The following TXN variants were observed in gnomAD, a reference collection of about 807,000 sequenced individuals.
TXN encodes thioredoxin, also known as ADF.
Under a neutral mutation model 16.5 loss-of-function variants are expected in TXN, and 10 were observed. The observed-to-expected ratio is 0.61, with a 90% CI of 0.37 to 1.03. The LOEUF (loss-of-function observed/expected upper bound fraction) is 1.03, where lower values mean the gene tolerates loss of function less well. Among genes scored for constraint, TXN ranks in the 50% least tolerant of loss-of-function variants. The pLI, the probability that TXN is intolerant of heterozygous loss-of-function variation, is 0.01. For synonymous variants in TXN, 35 were observed against 39.4 expected (o/e 0.89, Z 0.42); for missense variants, 71 against 122.5 (o/e 0.58, Z 1.98).
At chr9:110,245,618 C>CTATATATATATATATATATATA (rs1170640168) in intron 3 of TXN, among the ~76,000 whole-genome samples, 1 of 30,890 alleles carries the variant, frequency 3.2e-5, no homozygotes, top group Non-Finnish European at 5.1e-5. Context: ...CACACACACA[C>CTATATATATATATATATATATA]TATATATATA....
At chr9:110,244,299 T>TTATATATATATATATACATATG in intron 4 of TXN, 80 bp from the exon 5 acceptor site, 1 of 367,000 alleles carries the variant, frequency 2.7e-6, no homozygotes, top group East Asian at 6.5e-5. Flanking sequence ...AAATATGTAT[T>TTATATATATATATATACATATG]TATATATATA....
chr9:110,250,230 A>G (rs1359107617), intron 3 of TXN, among the ~76,000 whole-genome samples: 1 of 152,266 alleles, frequency 6.6e-6, no homozygotes, highest in Non-Finnish European at 1.5e-5. Context: ...GGATTAAATG[A>G]ACTGATACTT....
Position 110,253,064 on chromosome 9 carries a change from T to A in TXN, c.25-1602A>T, listed in dbSNP as rs370752236. Among the ~76,000 whole-genome samples the A allele has an allele frequency of 6.6e-5, 10 of 151,020 alleles. No individual in the cohort carries two copies. In the East Asian group the frequency reaches 1.6e-3, roughly 24 times the overall value. On this transcript the variant is annotated intron_variant, in intron 1 of 4. Coordinates refer to ENST00000374517, the MANE Select transcript of TXN (RefSeq NM_003329.4). ...CTGGTCAAATAGGTTTAAAAAAAAA[T>A]GAACATTCCCCGCCCCCCACCGCCA...
chr9:110,252,747 T>G (rs947464534), intron 1 of TXN, among the ~76,000 whole-genome samples: 1 of 152,096 alleles, frequency 6.6e-6, no homozygotes, highest in African/African-American at 2.4e-5. Context: ...GGGGTTCAAG[T>G]GATTCTCTTG....
At chr9:110,252,281 G>A (rs1379647974) in intron 1 of TXN, among the ~76,000 whole-genome samples, 3 of 145,026 alleles carry the variant, frequency 2.1e-5, no homozygotes, top group African/African-American at 7.7e-5. Flanking sequence ...TGTCTATGGT[G>A]GACCATACGA....
intron 1 of TXN, among the ~76,000 whole-genome samples, chr9:110,251,946 C>T (rs1278813260): frequency 2.0e-5 from 3 of 152,058 alleles, no homozygotes; most frequent in African/African-American, 7.2e-5. Flanking sequence ...TAAAAGTTGG[C>T]TGGGCATGGT....
chr9:110,245,649 TATATA>T (rs1273933815), intron 3 of TXN, among the ~76,000 whole-genome samples: 2,651 of 23,830 alleles, frequency 0.11, 108 homozygotes, highest in Non-Finnish European at 0.15. Flanking sequence ...TATATATATA[TATATA>T]TTTTTTTTTT....
rs200327890 is a variant in TXN at position 110,245,602 on chromosome 9, T to TATACACACAC, written c.190-760_190-759insGTGTGTGTAT. Among the ~76,000 whole-genome samples, 796 of 62,080 alleles carry TATACACACAC rather than the reference T, an allele frequency of 0.013. 98 individuals are homozygous for TATACACACAC. The East Asian group carries it at 0.24, about 19-fold the overall frequency. 40.7% of individuals were successfully genotyped at this position (62,080 alleles called of 152,430 possible). A position where few individuals can be genotyped will look rare whatever the true frequency, so the allele number is the denominator to read the frequency against. On this transcript the variant is annotated intron_variant, in intron 3 of 4. Transcript: ENST00000374517. Reference sequence around the variant, plus strand: ...TTTTGTGTGTGTGTGTGTATATATATACACACACACACACACTATATATAT... The same window carrying TATACACACAC: ...TTTTGTGTGTGTGTGTGTATATATATATACACACACACACACACACACACACTATATATAT...
At chr9:110,248,535 T>C (rs950966230) in intron 3 of TXN, among the ~76,000 whole-genome samples, 3 of 152,206 alleles carry the variant, frequency 2.0e-5, no homozygotes, top group Non-Finnish European at 4.4e-5. Context: ...ATCTAGGTTG[T>C]GTAAGTACAC....
chr9:110,244,701 C>T (rs1564366946), intron 4 of TXN, 77 bp downstream of exon 4: 2 of 1,270,666 alleles, frequency 1.6e-6, no homozygotes, highest in South Asian at 1.2e-5. Flanking sequence ...TTAAAGGGAA[C>T]ATCACTCCAG....
chr9:110,256,279 C>G lies in TXN; in HGVS notation c.24+133G>C, dbSNP rs1837808465. On this transcript the variant is annotated intron_variant, in intron 1 of 4. Coordinates refer to ENST00000374517, the MANE Select transcript of TXN (RefSeq NM_003329.4). This position sits in a 1 kb window ranked among gnomAD's most constrained non-coding sequence, Gnocchi z 4.2. Reference sequence around the variant, plus strand: ...AGTCCCAGGCCGAGACGCCGCGTCCCTTTCCCCTGGCGATGCGGAGGGGCG... The same window carrying G: ...AGTCCCAGGCCGAGACGCCGCGTCCGTTTCCCCTGGCGATGCGGAGGGGCG... The G allele has an allele frequency of 3.9e-6, 4 of 1,031,218 alleles. No individual in the cohort carries two copies. The African/African-American group carries it at 4.8e-5, about 12-fold the overall frequency. 63.9% of individuals were successfully genotyped at this position (1,031,218 alleles called of 1,614,324 possible).
chr9:110,252,666 G>A lies in TXN; in HGVS notation c.25-1204C>T, dbSNP rs183077253. On this transcript the variant is annotated intron_variant, in intron 1 of 4. Coordinates refer to ENST00000374517, the MANE Select transcript of TXN (RefSeq NM_003329.4). The stretch of plus-strand genomic sequence containing the variant: ...CATTTTTGTTTTGTTTTGTTTTTGA[G>A]ACGGAGTTTCACTTGTTGCCCAGGC... Among the ~76,000 whole-genome samples, 5 of 152,196 alleles carry A rather than the reference G, an allele frequency of 3.3e-5. No homozygotes were observed. In the East Asian group the frequency reaches 9.6e-4, roughly 29 times the overall value.
chr9:110,249,988 C>T (rs903165121), intron 3 of TXN, among the ~76,000 whole-genome samples: 3 of 152,074 alleles, frequency 2.0e-5, no homozygotes, highest in Non-Finnish European at 4.4e-5. Flanking sequence ...TAAAGGGCCC[C>T]GAAGTGATAC....
At chr9:110,245,716 C>T (rs1169257902) in intron 3 of TXN, among the ~76,000 whole-genome samples, 7 of 135,128 alleles carry the variant, frequency 5.2e-5, no homozygotes, top group East Asian at 2.2e-4. Context: ...TGGTCTCAAA[C>T]TCATGAGCTC....
At chr9:110,244,325 A>ATATATACATATGTATAAAAATGTATT (rs1554766547) in intron 4 of TXN, 106 bp from the exon 5 acceptor site, 12 of 300,954 alleles carry the variant, frequency 4.0e-5, no homozygotes, top group African/African-American at 2.5e-4. Flanking sequence ...ACATATGTAT[A>ATATATACATATGTATAAAAATGTATT]TATATACATA....
At chr9:110,255,629 T>C (rs1205301810) in intron 1 of TXN, among the ~76,000 whole-genome samples, 3 of 152,186 alleles carry the variant, frequency 2.0e-5, no homozygotes, top group African/African-American at 7.2e-5. Context: ...CCAAAGCCAC[T>C]GCTGCCGGAA....
rs1837613962 is a variant in TXN, at chr9:110,244,060, CA to C, written c.*96del. 3.5e-6 allele frequency: 2 copies of C among 568,238 alleles called. No individual in the cohort carries two copies. Among genetic ancestry groups the C allele is most frequent in the East Asian group, 8.1e-5 (2 of 24,578 alleles). The allele number at this position is 568,238 out of a possible 1,614,324, so 35.2% of individuals were successfully genotyped here. A position where few individuals can be genotyped will look rare whatever the true frequency, so the allele number is the denominator to read the frequency against. On this transcript the variant is annotated 3_prime_UTR_variant, in exon 5 of 5. Coordinates refer to ENST00000374517, the MANE Select transcript of TXN (RefSeq NM_003329.4). ...TAATGTTTTATTGTCACGCAGATGG[CA>C]ACTGGGTTTATGTCTTCATATTTTA...
chr9:110,252,223 C>CAAAAAAGA (rs1554695822), intron 1 of TXN, among the ~76,000 whole-genome samples: 2 of 58,394 alleles, frequency 3.4e-5, no homozygotes, highest in Admixed American at 1.9e-4. Flanking sequence ...GACTCTGTCG[C>CAAAAAAGA]AAAAAAAAAA....
intron 3 of TXN, 40 bp from the exon 4 acceptor site, chr9:110,244,883 G>C: frequency 6.5e-7 from 1 of 1,538,856 alleles, no homozygotes. Flanking sequence ...TTAAATACAA[G>C]ACTGCGAGTA....
Sources: allele counts gnomAD v4.1 joint callset (sites outside exome capture counted in the v4.1 genomes callset), GRCh38; gene constraint gnomAD v4.1.1; non-coding constraint Gnocchi (gnomAD v3.1); transcripts MANE v1.5; gene names NCBI Gene and HGNC (gene_info 2026-07-23, HGNC 2026-07-21).